The following SLCO4C1 variants were observed in gnomAD, a reference collection of about 807,000 sequenced individuals.
The protein encoded by SLCO4C1 is organic anion transporter M1.
In SLCO4C1, 58 loss-of-function variants were observed where a neutral mutation model predicts 72.1. The ratio of observed to expected loss-of-function variants is 0.80; its 90% CI spans 0.65 to 1.00. The LOEUF is 1.00. SLCO4C1 is among the 50% of genes least tolerant of loss of function. The probability of loss-of-function intolerance (pLI) is 0.00; values close to 1 mark genes in which losing one functional copy is unlikely to be tolerated. For missense variants in SLCO4C1, 898 were observed against 857.9 expected, an observed-to-expected ratio of 1.05 and a Z score of -0.58; for synonymous variants, 297 against 312.5, an observed-to-expected ratio of 0.95 and a Z score of 0.52.
chr5:102,257,385 CA>C, intron 7 of SLCO4C1, 75 bp from the exon 8 acceptor site: 1 of 1,166,928 alleles, frequency 8.6e-7, no homozygotes, highest in Non-Finnish European at 1.2e-6. Context: ...TGGAAAACAT[CA>C]AAAACAAGTG....
At chr5:102,251,530 C>G (rs1385477930) in intron 8 of SLCO4C1, among the ~76,000 whole-genome samples, 1 of 151,434 alleles carries the variant, frequency 6.6e-6, no homozygotes, top group Non-Finnish European at 1.5e-5. Context: ...TTTGAGGCTG[C>G]AGTGAGTTAT....
chr5:102,293,779 G>A (rs1459390293), intron 1 of SLCO4C1, among the ~76,000 whole-genome samples: 1 of 152,016 alleles, frequency 6.6e-6, no homozygotes, highest in South Asian at 2.1e-4. Context: ...TCTGTCACCA[G>A]GCTGGAGTGC....
intron 1 of SLCO4C1, among the ~76,000 whole-genome samples, chr5:102,291,947 G>C (rs1263872466): frequency 1.3e-5 from 2 of 151,882 alleles, no homozygotes; most frequent in African/African-American, 2.4e-5. Flanking sequence ...TCAGGCTCTG[G>C]AGTAGATGGG....
chr5:102,270,559 T>C, intron 3 of SLCO4C1, 65 bp downstream of exon 3: 1 of 1,388,526 alleles, frequency 7.2e-7, no homozygotes, highest in Non-Finnish European at 9.5e-7. Flanking sequence ...ATGTTATACT[T>C]TACTTCTAAA....
At position 102,234,417 on chromosome 5, in the gene SLCO4C1, T is replaced by C. The variant is rs919157356; in HGVS notation, c.*2441A>G. 6.6e-6 allele frequency: 1 copy of C among 152,616 alleles called. No homozygotes were observed. Among genetic ancestry groups the C allele is most frequent in the Non-Finnish European group, 1.5e-5 (1 of 68,022 alleles). The allele number at this position is 152,616 out of a possible 1,614,324, so 9.5% of individuals were successfully genotyped here. A position where few individuals can be genotyped will look rare whatever the true frequency, so the allele number is the denominator to read the frequency against. On this transcript the variant is annotated 3_prime_UTR_variant, in exon 13 of 13. Transcript: ENST00000310954. Reference sequence around the variant, plus strand: ...GTATTCTTTTAAAATATGTACCTTATATATAAAAGCTCCTGACTCCTTTTA... The same window carrying C: ...GTATTCTTTTAAAATATGTACCTTACATATAAAAGCTCCTGACTCCTTTTA...
In SLCO4C1 at chr5:102,258,072, C is replaced by A. The variant is rs1174666305; in HGVS notation, c.1144G>T (p.Ala382Ser). 1.3e-6 allele frequency: 2 copies of A among 1,549,010 alleles called. No individual in the cohort carries two copies. Among genetic ancestry groups the A allele is most frequent in the Non-Finnish European group, 1.7e-6 (2 of 1,155,244 alleles). The change falls in exon 7 of 13, where the codon GCT becomes TCT. Residue 382 changes from alanine to serine, a missense_variant. Ala to Ser is a moderately conservative substitution (Grantham distance 99). Transcript: ENST00000310954. ...PAALKNLMKNAVFMCLVLSTS... is the reference protein window; with the variant it reads ...PAALKNLMKNSVFMCLVLSTS... ...GATAGAACTAAACACATAAAGACAG[C>A]ATTCTTCATCAAATTCTAAAGAAAA... is the stretch of plus-strand genomic sequence containing the variant.
rs767623707 is a variant in SLCO4C1 at position 102,270,819 on chromosome 5, A to AG, written c.620-14_620-13insC. 3.2e-6 allele frequency: 5 copies of AG among 1,545,588 alleles called. No homozygotes were observed. The highest frequency in any genetic ancestry group is 4.4e-6 in the Non-Finnish European group (5 of 1,148,390). Reference sequence around the variant, plus strand: ...GTTACACAAGTGTCTTTGTGGAAAAAAAAATTGTGAATTTATAGAAATTCA... The same window carrying AG: ...GTTACACAAGTGTCTTTGTGGAAAAAGAAAATTGTGAATTTATAGAAATTCA... On this transcript the variant is annotated splice_polypyrimidine_tract_variant and intron_variant, in intron 2 of 12. Transcript: ENST00000310954.
At position 102,247,278 on chromosome 5, in the gene SLCO4C1, A is replaced by G. The variant is rs765660493; in HGVS notation, c.1785T>C (p.Gly595=). The change falls in exon 10 of 13, where the codon GGT becomes GGC. Residue 595 remains glycine, a synonymous_variant. Coordinates refer to ENST00000310954, the MANE Select transcript of SLCO4C1 (RefSeq NM_180991.5). ...TTAGGATAGACACAGTTATAGGAGT[A>G]CCGGCCATAAAGGTAAAAATAATTA... ...FIVIIFTFMA[G]TPITVSILRC... 4 of 1,571,826 alleles carry G rather than the reference A, an allele frequency of 2.5e-6. No homozygotes were observed. In the East Asian group the frequency reaches 9.1e-5, roughly 36 times the overall value.
Position 102,291,377 on chromosome 5 carries a change from GA to G in SLCO4C1, c.584del (p.Phe195SerfsTer16). The G allele has an allele frequency of 6.2e-7, 1 of 1,613,926 alleles. No individual in the cohort carries two copies. The highest frequency in any genetic ancestry group is 8.5e-7 in the Non-Finnish European group (1 of 1,179,960). On this transcript the variant is annotated frameshift_variant, in exon 2 of 13. Transcript: ENST00000310954. LOFTEE classifies it high-confidence loss of function. Reference protein sequence around the residue: ...GALVFSLPQFFSGEYKLGSLF... With the variant: ...GALVFSLPQFXSGEYKLGSLF... ...GAGACCCCAATTTATATTCTCCACT[GA>G]AAAATTGTGGCAATGAGAATACAAG...
At chr5:102,271,194 C>T (rs1020981864) in intron 2 of SLCO4C1, among the ~76,000 whole-genome samples, 12 of 151,916 alleles carry the variant, frequency 7.9e-5, no homozygotes, top group Non-Finnish European at 1.3e-4. Flanking sequence ...TATTATGTCC[C>T]GGACGTCTCT....
chr5:102,265,594 A>G (rs1355341127), intron 3 of SLCO4C1, among the ~76,000 whole-genome samples: 1 of 152,064 alleles, frequency 6.6e-6, no homozygotes, highest in African/African-American at 2.4e-5. Flanking sequence ...TATCCTTGGT[A>G]TCTTTAGCAA....
At chr5:102,249,825 TC>T in intron 8 of SLCO4C1, 37 bp from the exon 9 acceptor site, 2 of 1,597,952 alleles carry the variant, frequency 1.3e-6, no homozygotes, top group African/African-American at 1.4e-5. Flanking sequence ...AAATGATCTG[TC>T]ATAACTTTTA....
In SLCO4C1 at chr5:102,236,726, A is replaced by T. The variant is rs1344269746; in HGVS notation, c.*132T>A. ...AAAAACTACATAAGTAAAAAAATAC[A>T]TTTGATTATAAAAACATCAATTTTG... On this transcript the variant is annotated 3_prime_UTR_variant, in exon 13 of 13. Coordinates refer to ENST00000310954, the MANE Select transcript of SLCO4C1 (RefSeq NM_180991.5). 7 of 1,044,716 alleles carry T rather than the reference A, an allele frequency of 6.7e-6. No individual in the cohort carries two copies. Among genetic ancestry groups the T allele is most frequent in the Non-Finnish European group, 4.1e-6 (3 of 726,804 alleles). 64.7% of individuals were successfully genotyped at this position (1,044,716 alleles called of 1,614,324 possible).
chr5:102,247,093 T>G (rs1289492563), intron 10 of SLCO4C1, among the ~76,000 whole-genome samples, 159 bp downstream of exon 10: 1 of 152,138 alleles, frequency 6.6e-6, no homozygotes, highest in Non-Finnish European at 1.5e-5. Flanking sequence ...TCTGGGGTTC[T>G]ACAGAGGAGC....
At position 102,234,619 on chromosome 5, in the gene SLCO4C1, T is replaced by A. The variant is rs1748400812; in HGVS notation, c.*2239A>T. 1 of 152,190 alleles carries A rather than the reference T, an allele frequency of 6.6e-6. No individual in the cohort carries two copies. Among genetic ancestry groups the A allele is most frequent in the Non-Finnish European group, 1.5e-5 (1 of 68,016 alleles). 9.4% of individuals were successfully genotyped at this position (152,190 alleles called of 1,614,324 possible). ...CTATTTCTATGGATGGGTTGATTTT[T>A]TTTCTTCCTCTAAATTAAGTGGCCC... On this transcript the variant is annotated 3_prime_UTR_variant, in exon 13 of 13. Coordinates refer to ENST00000310954, the MANE Select transcript of SLCO4C1 (RefSeq NM_180991.5).
chr5:102,270,864 A>G, intron 2 of SLCO4C1, 58 bp from the exon 3 acceptor site: 1 of 1,333,748 alleles, frequency 7.5e-7, no homozygotes. Context: ...TTAAATTTCT[A>G]TCATATAAAT....
chr5:102,289,328 A>T (rs147672703), intron 2 of SLCO4C1, among the ~76,000 whole-genome samples: 1,578 of 152,342 alleles, frequency 0.01, 29 homozygotes, highest in Admixed American at 0.043. Context: ...CACAATGGCT[A>T]TAACTCCAGG....
chr5:102,253,425 A>G (rs1181047900), intron 8 of SLCO4C1, among the ~76,000 whole-genome samples: 1 of 152,162 alleles, frequency 6.6e-6, no homozygotes, highest in Admixed American at 6.5e-5. Context: ...TAAAAGTGGG[A>G]GCTAATCACT....
chr5:102,237,051 T>G lies in SLCO4C1; in HGVS notation c.2015-33A>C, dbSNP rs1748450445. 3.3e-6 allele frequency: 5 copies of G among 1,534,274 alleles called. No homozygotes were observed. In the Admixed American group the frequency reaches 1.1e-4, roughly 34 times the overall value. On this transcript the variant is annotated intron_variant, in intron 12 of 12. Transcript: ENST00000310954. ...AAAAAAAAAATTAATCATGTGCTTT[T>G]GTTTTTAATTATGATAAAAATTATC...
Sources: allele counts gnomAD v4.1 joint callset (sites outside exome capture counted in the v4.1 genomes callset), GRCh38; gene constraint gnomAD v4.1.1; transcripts MANE v1.5; gene names NCBI Gene and HGNC (gene_info 2026-07-23, HGNC 2026-07-21).